The following PRH1 variants were observed in gnomAD, a reference collection of about 807,000 sequenced individuals.
PRH1 encodes proline rich protein HaeIII subfamily 1, also known as salivary acidic proline-rich phosphoprotein 1/2.
A neutral mutation model predicts 7.9 loss-of-function variants in PRH1; 7 were observed. That is an observed-to-expected ratio of 0.89 (90% CI 0.50 to 1.67). The LOEUF (loss-of-function observed/expected upper bound fraction) is 1.67, where lower values mean the gene tolerates loss of function less well. PRH1 is among the 40% of genes most tolerant of loss of function. The pLI, the probability that PRH1 is intolerant of heterozygous loss-of-function variation, is 0.00. For synonymous variants in PRH1, 45 were observed against 80.8 expected (o/e 0.56, Z 2.38); for missense variants, 109 against 223.6 (o/e 0.49, Z 3.27).
intron 1 of PRH1, among the ~76,000 whole-genome samples, chr12:11,114,672 A>G (rs552877667): frequency 7.9e-5 from 12 of 152,240 alleles, no homozygotes; most frequent in African/African-American, 2.9e-4. Context: ...TAATAGCCAC[A>G]ACAACCTTTG....
At chr12:10,896,659 G>A (rs764883228) in intron 2 of PRH1, among the ~76,000 whole-genome samples, 1 of 151,720 alleles carries the variant, frequency 6.6e-6, no homozygotes, top group African/African-American at 2.4e-5. Context: ...TTACTCGGGA[G>A]GCTGAGGCAG....
chr12:11,054,652 C>A (rs1943282381), intron 1 of PRH1, among the ~76,000 whole-genome samples: 1 of 152,122 alleles, frequency 6.6e-6, no homozygotes, highest in Non-Finnish European at 1.5e-5. Context: ...TAAAAATTGT[C>A]CTGTGTATTT....
chr12:10,932,895 C>G (rs1030589888), intron 2 of PRH1, among the ~76,000 whole-genome samples: 3 of 150,432 alleles, frequency 2.0e-5, no homozygotes, highest in African/African-American at 7.3e-5. Context: ...ATAATGCAAC[C>G]AGGAGTATTG....
chr12:11,056,252 T>C (rs867089438), intron 1 of PRH1, among the ~76,000 whole-genome samples: 2 of 152,256 alleles, frequency 1.3e-5, no homozygotes, highest in South Asian at 4.1e-4. Flanking sequence ...TTAAAAAACA[T>C]GTTTTCCATT....
chr12:11,065,543 T>C (rs1406087149), intron 1 of PRH1, among the ~76,000 whole-genome samples: 1 of 152,214 alleles, frequency 6.6e-6, no homozygotes, highest in Non-Finnish European at 1.5e-5. Context: ...AATTCACTAA[T>C]TCTTTCTTAT....
intron 1 of PRH1, among the ~76,000 whole-genome samples, chr12:10,992,701 C>T (rs1940000716): frequency 6.6e-6 from 1 of 152,180 alleles, no homozygotes; most frequent in Non-Finnish European, 1.5e-5. Flanking sequence ...GTGTGAGCCA[C>T]CTCACCAGTC....
intron 1 of PRH1, among the ~76,000 whole-genome samples, chr12:11,056,693 C>A (rs1404455513): frequency 6.6e-6 from 1 of 152,130 alleles, no homozygotes; most frequent in African/African-American, 2.4e-5. Context: ...TGGTGCCCGT[C>A]TGTAATCCCA....
chr12:10,997,696 C>T (rs1467761680), intron 1 of PRH1: 1 of 1,613,738 alleles, frequency 6.2e-7, no homozygotes, highest in Admixed American at 1.7e-5. Context: ...ATAATATTAC[C>T]CAGAGCAAAC....
At chr12:11,138,343 A>C (rs1946613279) in intron 1 of PRH1, among the ~76,000 whole-genome samples, 1 of 152,316 alleles carries the variant, frequency 6.6e-6, no homozygotes, top group East Asian at 1.9e-4. Flanking sequence ...ACATACTCAA[A>C]GATCATGCTA....
intron 2 of PRH1, among the ~76,000 whole-genome samples, chr12:10,958,082 A>T (rs1938061659): frequency 6.6e-6 from 1 of 152,224 alleles, no homozygotes; most frequent in Non-Finnish European, 1.5e-5. Context: ...GAGAAATATA[A>T]ATTGTTCTAC....
chr12:11,136,623 C>T (rs545264610), intron 1 of PRH1, among the ~76,000 whole-genome samples: 2 of 152,174 alleles, frequency 1.3e-5, no homozygotes, highest in Non-Finnish European at 2.9e-5. Flanking sequence ...TATATAATCA[C>T]CCTCAAGACA....
chr12:11,164,579 C>T (rs1033215183), intron 1 of PRH1, among the ~76,000 whole-genome samples: 4 of 152,136 alleles, frequency 2.6e-5, no homozygotes, highest in African/African-American at 7.2e-5. Flanking sequence ...CCTTCATGTA[C>T]AACCCCTACA....
intron 2 of PRH1, among the ~76,000 whole-genome samples, chr12:10,941,559 TTTATTTATTATTAAAATTTA>T (rs1230530039): frequency 8.1e-6 from 1 of 123,524 alleles, no homozygotes; most frequent in Non-Finnish European, 1.7e-5. Flanking sequence ...AAATTTATTA[TTTATTTATTATTAAAATTTA>T]TTATTTATTA....
chr12:11,164,448 C>T (rs1489058750), intron 1 of PRH1, among the ~76,000 whole-genome samples: 6 of 152,138 alleles, frequency 3.9e-5, no homozygotes, highest in African/African-American at 1.4e-4. Context: ...TCCCTTTTTA[C>T]ACATGTTTAT....
chr12:10,908,573 A>G, intron 2 of PRH1: 1 of 1,613,986 alleles, frequency 6.2e-7, no homozygotes, highest in South Asian at 1.1e-5. Context: ...GAAAGAAACT[A>G]GCATAGAATA....
chr12:11,141,052 C>T (rs1456692666), intron 1 of PRH1, among the ~76,000 whole-genome samples: 1 of 152,120 alleles, frequency 6.6e-6, no homozygotes, highest in Non-Finnish European at 1.5e-5. Flanking sequence ...CAAACACACT[C>T]ACACACATAC....
intron 1 of PRH1, chr12:11,022,699 A>C (rs980591424): frequency 6.1e-5 from 42 of 691,310 alleles, no homozygotes; most frequent in Non-Finnish European, 9.1e-5. Flanking sequence ...AAATTCAGTG[A>C]CTAGTGTCAA....
chr12:11,104,222 C>T (rs186556260), intron 1 of PRH1, among the ~76,000 whole-genome samples: 4 of 126,542 alleles, frequency 3.2e-5, no homozygotes, highest in Non-Finnish European at 6.9e-5. Context: ...ATAGAATTTG[C>T]TAGCAATCCA....
chr12:11,131,505 G>A (rs796092605), intron 1 of PRH1, among the ~76,000 whole-genome samples: 1 of 150,868 alleles, frequency 6.6e-6, no homozygotes, highest in South Asian at 2.1e-4. Context: ...TTTTTGAAAT[G>A]AAATGCCATT....
Sources: allele counts gnomAD v4.1 joint callset (sites outside exome capture counted in the v4.1 genomes callset), GRCh38; gene constraint gnomAD v4.1.1; transcripts MANE v1.5; gene names NCBI Gene and HGNC (gene_info 2026-07-23, HGNC 2026-07-21).